WDR25: variants seen among roughly 807,000 people sequenced by gnomAD.
WDR25 encodes WD repeat-containing protein 25.
A neutral mutation model predicts 47.7 loss-of-function variants in WDR25; 35 were observed. The ratio of observed to expected loss-of-function variants is 0.73; its 90% CI spans 0.56 to 0.97. The LOEUF (loss-of-function observed/expected upper bound fraction) is 0.97. WDR25 is among the 50% of genes least tolerant of loss of function. The pLI, the probability that WDR25 is intolerant of heterozygous loss-of-function variation, is 0.00. For missense variants in WDR25, 634 were observed against 704.7 expected (o/e 0.90, Z 1.14); for synonymous variants, 248 against 278.9 (o/e 0.89, Z 1.10).
chr14:100,410,306 C>T (rs1001509209), intron 2 of WDR25, among the ~76,000 whole-genome samples: 3 of 152,022 alleles, frequency 2.0e-5, no homozygotes, highest in Non-Finnish European at 2.9e-5. Flanking sequence ...CAAGGGCCTC[C>T]CAGGGAGACG....
rs190437938 is a variant in WDR25 at position 100,465,195 on chromosome 14, G to A, written c.823-2826G>A. On this transcript the variant is annotated intron_variant, in intron 2 of 6. Transcript: ENST00000402312. ...GTGTGTGTGTGTATTTTTAAAAACTGTGGCAGAATAATACACAGCATAAAA... is the reference window on the plus strand; with the variant it reads ...GTGTGTGTGTGTATTTTTAAAAACTATGGCAGAATAATACACAGCATAAAA... Among the ~76,000 whole-genome samples, 498 of 151,764 alleles carry A rather than the reference G, an allele frequency of 3.3e-3. 10 individuals carry two copies. Among genetic ancestry groups the A allele is most frequent in the Non-Finnish European group, 1.0e-3 (71 of 67,966 alleles).
In WDR25 at chr14:100,392,272, T is replaced by A. The variant is rs1190090470; in HGVS notation, c.822+10526T>A. 6.6e-6 allele frequency among the ~76,000 whole-genome samples: 1 copy of A among 152,010 alleles called. No individual in the cohort carries two copies. The highest frequency in any genetic ancestry group is 1.5e-5 in the Non-Finnish European group (1 of 68,012). ...GTTTTCTTTACATCTGTAATTACAT[T>A]TTGGGGAATCTCACTATTGTGTTGG... On this transcript the variant is annotated intron_variant, in intron 2 of 6. Coordinates refer to ENST00000402312, the MANE Select transcript of WDR25 (RefSeq NM_001161476.3). The surrounding 1 kb of genome is among the most constrained non-coding windows in gnomAD (Gnocchi z 4.2).
At chr14:100,474,064 G>A (rs1899936560) in intron 3 of WDR25, among the ~76,000 whole-genome samples, 1 of 152,232 alleles carries the variant, frequency 6.6e-6, no homozygotes, top group African/African-American at 2.4e-5. Context: ...CTGAGCTGAT[G>A]AGGGTTCCCT....
chr14:100,482,498 A>G (rs890149170), intron 3 of WDR25, among the ~76,000 whole-genome samples: 1 of 152,126 alleles, frequency 6.6e-6, no homozygotes. Context: ...ACAGATATCT[A>G]TATATTGGTG....
At chr14:100,443,867 G>A (rs570730099) in intron 2 of WDR25, among the ~76,000 whole-genome samples, 4 of 152,276 alleles carry the variant, frequency 2.6e-5, no homozygotes, top group South Asian at 2.1e-4. Flanking sequence ...GTTTAGTGCC[G>A]GGCGCTGGCT....
At position 100,525,944 on chromosome 14, in the gene WDR25, G is replaced by C. The variant is rs1240755624; in HGVS notation, c.1176G>C (p.Leu392=). The part of the protein sequence containing the change: ...ILFLREGSEF[L]SSTDASTRDS... ...TCCTCCGGGAAGGCTCCGAGTTCCT[G>C]AGCAGCACAGACGCTTCCACCCGGG... The change falls in exon 5 of 7, where the codon CTG becomes CTC. Residue 392 remains leucine (L), a synonymous_variant. Transcript: ENST00000402312. The surrounding 1 kb of genome is among the most constrained non-coding windows in gnomAD (Gnocchi z 4.6). 1.2e-6 allele frequency: 2 copies of C among 1,614,038 alleles called. No homozygotes were observed. The highest frequency in any genetic ancestry group is 8.5e-7 in the Non-Finnish European group (1 of 1,179,976).
At chr14:100,408,696 T>C (rs536311141) in intron 2 of WDR25, among the ~76,000 whole-genome samples, 16 of 152,336 alleles carry the variant, frequency 1.1e-4, no homozygotes, top group African/African-American at 2.2e-4. Context: ...TTTTCTCCTC[T>C]GAAGGGCCGA....
chr14:100,481,875 A>C (rs1900215406), intron 3 of WDR25, among the ~76,000 whole-genome samples: 1 of 152,134 alleles, frequency 6.6e-6, no homozygotes, highest in Non-Finnish European at 1.5e-5. Context: ...CGTCTGTAAC[A>C]GCTGATCAGC....
At chr14:100,482,025 G>A (rs1328002372) in intron 3 of WDR25, among the ~76,000 whole-genome samples, 1 of 151,430 alleles carries the variant, frequency 6.6e-6, no homozygotes, top group Non-Finnish European at 1.5e-5. Context: ...TAAGAATTGT[G>A]TACAAATTGA....
intron 4 of WDR25, among the ~76,000 whole-genome samples, chr14:100,496,821 T>G (rs1029595961): frequency 6.8e-6 from 1 of 146,204 alleles, no homozygotes; most frequent in African/African-American, 2.6e-5. Context: ...TCTTTTTTTC[T>G]TTAATTCTTT....
intron 4 of WDR25, among the ~76,000 whole-genome samples, chr14:100,501,222 CT>C (rs139961458): frequency 0.14 from 20,725 of 152,092 alleles, 4,515 homozygotes; most frequent in African/African-American, 0.46. Flanking sequence ...GCGAGCCCAA[CT>C]TTCCCAAAGT....
intron 4 of WDR25, among the ~76,000 whole-genome samples, chr14:100,521,065 A>C (rs2029871428): frequency 6.6e-6 from 1 of 152,210 alleles, no homozygotes; most frequent in Non-Finnish European, 1.5e-5. Context: ...AAGGATTGGC[A>C]AACTACAGTT....
intron 2 of WDR25, among the ~76,000 whole-genome samples, chr14:100,431,364 C>G (rs1021948365): frequency 6.6e-6 from 1 of 151,950 alleles, no homozygotes; most frequent in Non-Finnish European, 1.5e-5. Context: ...TTGCTAAATA[C>G]AAATTAAAAG....
At chr14:100,489,872 C>T (rs1900505515) in intron 4 of WDR25, among the ~76,000 whole-genome samples, 1 of 152,344 alleles carries the variant, frequency 6.6e-6, no homozygotes, top group Non-Finnish European at 1.5e-5. Flanking sequence ...CTGGGACTCT[C>T]ATGATAAAAC....
chr14:100,394,011 A>T (rs1897200228), intron 2 of WDR25, among the ~76,000 whole-genome samples: 1 of 152,220 alleles, frequency 6.6e-6, no homozygotes, highest in Non-Finnish European at 1.5e-5. Flanking sequence ...ATTATCTCAC[A>T]GGGCTGTGAG....
At chr14:100,472,896 A>G (rs934131801) in intron 3 of WDR25, among the ~76,000 whole-genome samples, 1 of 152,182 alleles carries the variant, frequency 6.6e-6, no homozygotes, top group Admixed American at 6.5e-5. Context: ...CTCTTCCTTC[A>G]GATGCCCACA....
At chr14:100,446,442 T>C (rs747634138) in intron 2 of WDR25, among the ~76,000 whole-genome samples, 2 of 151,104 alleles carry the variant, frequency 1.3e-5, no homozygotes, top group Admixed American at 6.6e-5. Context: ...TCCCAGCTAC[T>C]TGGGAGGCTG....
intron 2 of WDR25, among the ~76,000 whole-genome samples, chr14:100,405,362 T>C (rs900206331): frequency 2.0e-5 from 3 of 152,126 alleles, no homozygotes; most frequent in South Asian, 2.1e-4. Context: ...GGTTTGTCCA[T>C]GTAGGCCAGG....
At position 100,529,148 on chromosome 14, in the gene WDR25, C is replaced by T; in HGVS notation, c.1353C>T (p.Ala451=). 1 of 1,607,068 alleles carries T rather than the reference C, an allele frequency of 6.2e-7. No individual in the cohort carries two copies. The highest frequency in any genetic ancestry group is 2.2e-5 in the East Asian group (1 of 44,606). The change falls in exon 6 of 7, where the codon GCC becomes GCT. Residue 451 remains alanine (A), a synonymous_variant. Coordinates refer to ENST00000402312, the MANE Select transcript of WDR25 (RefSeq NM_001161476.3). This position sits in a 1 kb window ranked among gnomAD's most constrained non-coding sequence, Gnocchi z 5.1. ...CACAGACCAATGGCAACTACCTGGCCCTTTTCTCCACTGTGTGGCCCTACC... is the reference window on the plus strand; with the variant it reads ...CACAGACCAATGGCAACTACCTGGCTCTTTTCTCCACTGTGTGGCCCTACC... The part of the protein sequence containing the change: ...FLAQTNGNYL[A]LFSTVWPYRM...
Sources: allele counts gnomAD v4.1 joint callset (sites outside exome capture counted in the v4.1 genomes callset), GRCh38; gene constraint gnomAD v4.1.1; non-coding constraint Gnocchi (gnomAD v3.1); transcripts MANE v1.5; gene names NCBI Gene and HGNC (gene_info 2026-07-23, HGNC 2026-07-21).